The following SIN3A variants were observed in gnomAD, a reference collection of about 807,000 sequenced individuals.
The protein encoded by SIN3A is SIN3 transcription regulator family member A, also known as paired amphipathic helix protein Sin3a.
A neutral mutation model predicts 146.1 loss-of-function variants in SIN3A; 14 were observed. The ratio of observed to expected loss-of-function variants is 0.10; its 90% CI spans 0.06 to 0.15. The LOEUF (loss-of-function observed/expected upper bound fraction) is 0.15. Among genes scored for constraint, SIN3A ranks in the 10% least tolerant of loss-of-function variants. The pLI is 1.00. For synonymous variants in SIN3A, 572 were observed against 572.0 expected (o/e 1.00, Z 0.00); for missense variants, 1,028 against 1,576.0 (o/e 0.65, Z 5.89).
intron 14 of SIN3A, among the ~76,000 whole-genome samples, chr15:75,393,808 ATTTAT>A (rs2073253305): frequency 6.6e-6 from 1 of 151,170 alleles, no homozygotes; most frequent in Admixed American, 6.6e-5. Context: ...GATTAAGTTT[ATTTAT>A]TTTATTGATT....
At chr15:75,445,448 G>A (rs1160396817) in intron 1 of SIN3A, among the ~76,000 whole-genome samples, 3 of 150,810 alleles carry the variant, frequency 2.0e-5, no homozygotes, top group Non-Finnish European at 4.4e-5. Context: ...CCAGCTACTC[G>A]GGAGGCTAAG....
chr15:75,389,521 C>T, intron 16 of SIN3A, 131 bp downstream of exon 16: 1 of 832,060 alleles, frequency 1.2e-6, no homozygotes, highest in Non-Finnish European at 1.9e-6. Context: ...ATTAACCTCC[C>T]CTCCTCTCTT....
chr15:75,392,311 G>A lies in SIN3A; in HGVS notation c.2782C>T (p.Arg928Trp). The A allele has an allele frequency of 6.2e-7, 1 of 1,614,156 alleles. No homozygotes were observed. The highest frequency in any genetic ancestry group is 2.2e-5 in the East Asian group (1 of 44,886). The change falls in exon 15 of 21, where the codon CGG (arginine) becomes TGG (tryptophan). Residue 928 changes from arginine (R) to tryptophan (W), a missense_variant. Transcript: ENST00000394947. ...EEENREREWE[R>W]EVLGIKRDKS... Reference sequence around the variant, plus strand: ...TCTCGCTTTATGCCCAGCACTTCCCGTTCCCATTCTCTCTCTCGGTTTTCT... The same window carrying A: ...TCTCGCTTTATGCCCAGCACTTCCCATTCCCATTCTCTCTCTCGGTTTTCT...
chr15:75,441,483 A>G (rs1364367692), intron 1 of SIN3A, among the ~76,000 whole-genome samples: 1 of 152,064 alleles, frequency 6.6e-6, no homozygotes, highest in African/African-American at 2.4e-5. Flanking sequence ...TTTTAGAGAC[A>G]GGGTCTCCCT....
chr15:75,412,109 T>G (rs868663549), intron 5 of SIN3A, among the ~76,000 whole-genome samples: 1 of 152,168 alleles, frequency 6.6e-6, no homozygotes, highest in African/African-American at 2.4e-5. Flanking sequence ...TTGCAGTAGC[T>G]CCACATAAAA....
chr15:75,412,367 T>C (rs2141496465), intron 5 of SIN3A, among the ~76,000 whole-genome samples: 1 of 152,358 alleles, frequency 6.6e-6, no homozygotes, highest in South Asian at 2.1e-4. Context: ...GATCTTCTAC[T>C]TAGCTTGATA....
chr15:75,388,033 G>A (rs1007233148), intron 16 of SIN3A, among the ~76,000 whole-genome samples: 4 of 151,878 alleles, frequency 2.6e-5, no homozygotes, highest in Non-Finnish European at 5.9e-5. Context: ...ACTGTGGGAG[G>A]AGTACAGAGG....
intron 2 of SIN3A, among the ~76,000 whole-genome samples, chr15:75,423,437 G>A (rs1358408202): frequency 6.6e-6 from 1 of 152,142 alleles, no homozygotes; most frequent in Non-Finnish European, 1.5e-5. Context: ...CCAGCACTTT[G>A]AGAGGCCAAT....
chr15:75,398,417 TG>T (rs2073343585), intron 12 of SIN3A, among the ~76,000 whole-genome samples: 1 of 152,184 alleles, frequency 6.6e-6, no homozygotes, highest in Admixed American at 6.5e-5. Context: ...GGCTCACACT[TG>T]TAATCCCAGC....
At chr15:75,396,548 T>C (rs1385176740) in intron 12 of SIN3A, 52 bp from the exon 13 acceptor site, 2 of 1,282,774 alleles carry the variant, frequency 1.6e-6, no homozygotes, top group East Asian at 2.3e-5. Flanking sequence ...CAAAATAGAA[T>C]AGAGTAGTGT....
intron 18 of SIN3A, 194 bp from the exon 19 acceptor site, chr15:75,380,917 T>C (rs938765164): frequency 1.9e-6 from 1 of 525,510 alleles, no homozygotes; most frequent in African/African-American, 1.9e-5. Context: ...TAGCCAGCAA[T>C]ACTGCTAAGT....
Position 75,389,832 on chromosome 15 carries a change from G to A in SIN3A, c.2852-11C>T, listed in dbSNP as rs770898798. The A allele has an allele frequency of 1.9e-6, 3 of 1,613,488 alleles. No homozygotes were observed. The highest frequency in any genetic ancestry group is 1.1e-5 in the South Asian group (1 of 91,008). On this transcript the variant is annotated splice_polypyrimidine_tract_variant and intron_variant, in intron 15 of 20. Transcript: ENST00000394947. ...CTACATCAACATCCACTGTGGGAGAGATGGGATTGGTGAGGCCTTACCTTG... is the reference window on the plus strand; with the variant it reads ...CTACATCAACATCCACTGTGGGAGAAATGGGATTGGTGAGGCCTTACCTTG...
chr15:75,420,991 A>G (rs1055093337), intron 3 of SIN3A: 9 of 152,262 alleles, frequency 5.9e-5, no homozygotes, highest in Non-Finnish European at 1.2e-4. Context: ...AAAGCAAACA[A>G]AACATAATCC....
intron 1 of SIN3A, among the ~76,000 whole-genome samples, chr15:75,431,787 C>T (rs2074017693): frequency 6.6e-6 from 1 of 152,204 alleles, no homozygotes; most frequent in African/African-American, 2.4e-5. Flanking sequence ...TCTTTGTCCT[C>T]ACTATAGTCC....
At chr15:75,448,872 T>C (rs1474803094) in intron 1 of SIN3A, among the ~76,000 whole-genome samples, 2 of 152,092 alleles carry the variant, frequency 1.3e-5, no homozygotes, top group Non-Finnish European at 2.9e-5. Flanking sequence ...ACCTCCTTCC[T>C]TAAAAAAGAA....
At position 75,392,284 on chromosome 15, in the gene SIN3A, T is replaced by C; in HGVS notation, c.2809A>G (p.Lys937Glu). Residue 937 changes from lysine (K) to glutamate (E), a missense_variant, in exon 15 of 21, where the codon AAG becomes GAG. Lys to Glu is a moderately conservative substitution (Grantham distance 56). This residue lies in a region of SIN3A where 488 missense variants were observed against 690.2 expected (regional missense o/e 0.71). Transcript: ENST00000394947. ...AGCTGAATGGCAGGGCTGTCACTCT[T>C]GTCTCGCTTTATGCCCAGCACTTCC... ...EREVLGIKRD[K>E]SDSPAIQLRL... The C allele has an allele frequency of 1.2e-6, 2 of 1,614,208 alleles. No homozygotes were observed. The highest frequency in any genetic ancestry group is 1.7e-6 in the Non-Finnish European group (2 of 1,180,030).
intron 17 of SIN3A, among the ~76,000 whole-genome samples, chr15:75,383,059 G>T (rs1371635359): frequency 5.9e-5 from 9 of 151,478 alleles, no homozygotes; most frequent in African/African-American, 2.2e-4. Flanking sequence ...TGCACTCCAA[G>T]CCTGGACAAC....
rs748830214 is a variant in SIN3A, at chr15:75,396,516, A to G, written c.1855-20T>C. 3.2e-6 allele frequency: 5 copies of G among 1,565,664 alleles called. No homozygotes were observed. Among genetic ancestry groups the G allele is most frequent in the African/African-American group, 2.7e-5 (2 of 73,880 alleles). ...ATCAAGCTGAAGAGGAAGACAAAGA[A>G]GGGTATGCTCAGGACCCAAATCAAA... On this transcript the variant is annotated intron_variant, in intron 12 of 20. Transcript: ENST00000394947.
chr15:75,447,177 G>C (rs1308887733), intron 1 of SIN3A, among the ~76,000 whole-genome samples: 2 of 152,218 alleles, frequency 1.3e-5, no homozygotes, highest in Non-Finnish European at 2.9e-5. Context: ...GGTTTCAAAA[G>C]AATCACTTGG....
Sources: gnomAD v4.1 joint callset for allele counts (sites outside exome capture counted in the v4.1 genomes callset) on GRCh38, gnomAD v4.1.1 for gene constraint, gnomAD v4.1.1 regional missense constraint, MANE v1.5 for transcripts, NCBI Gene and HGNC (gene_info 2026-07-23, HGNC 2026-07-21) for gene names.